Variants in STARD13 observed in about 807,000 individuals in gnomAD.
The protein encoded by STARD13 is StAR related lipid transfer domain containing 13.
STARD13 carries 62 observed loss-of-function variants against 106.4 expected under a neutral mutation model. That is an observed-to-expected ratio of 0.58 (90% CI 0.48 to 0.72). The LOEUF is 0.72. Among genes scored for constraint, STARD13 ranks in the 30% least tolerant of loss-of-function variants. The pLI, the probability that STARD13 is intolerant of heterozygous loss-of-function variation, is 0.00. For missense variants in STARD13, 1,387 were observed against 1,424.0 expected (o/e 0.97, Z 0.42); for synonymous variants, 565 against 553.0 (o/e 1.02, Z -0.31).
chr13:33,119,648 C>T (rs957960171), intron 7 of STARD13, among the ~76,000 whole-genome samples: 1 of 152,198 alleles, frequency 6.6e-6, no homozygotes, highest in Admixed American at 6.5e-5. Flanking sequence ...TTATACACTG[C>T]TACTTTTTGT....
chr13:33,130,019 GGTT>G lies in STARD13; in HGVS notation c.655_657del (p.Asn219del). On this transcript the variant is annotated inframe_deletion, in exon 5 of 14. Coordinates refer to ENST00000336934, the MANE Select transcript of STARD13 (RefSeq NM_178006.4). This position sits in a 1 kb window ranked among gnomAD's most constrained non-coding sequence, Gnocchi z 4.1. ...ACGAGTGGGGCATCCAGCATGACCG[GGTT>G]GTCTGTACAGCACTGGCCCGGCTGG... 6.2e-7 allele frequency: 1 copy of G among 1,613,268 alleles called. No individual in the cohort carries two copies. The highest frequency in any genetic ancestry group is 8.5e-7 in the Non-Finnish European group (1 of 1,179,764).
the STARD13 span, among the ~76,000 whole-genome samples, chr13:33,419,484 T>A: frequency 6.6e-6 from 1 of 152,118 alleles, no homozygotes; most frequent in East Asian, 1.9e-4. Context: ...AGACCAAATC[T>A]ACATTTGATT....
chr13:33,372,050 T>C, the STARD13 span, among the ~76,000 whole-genome samples: 1 of 152,214 alleles, frequency 6.6e-6, no homozygotes, highest in Admixed American at 6.5e-5. Context: ...TAACCCCTTT[T>C]AATGTAAGCA....
At chr13:33,327,513 G>T (rs1181964120) in intron 1 of STARD13, among the ~76,000 whole-genome samples, 1 of 152,146 alleles carries the variant, frequency 6.6e-6, no homozygotes, top group Non-Finnish European at 1.5e-5. Flanking sequence ...GGGACTACAG[G>T]CATGGGCCAC....
the STARD13 span, among the ~76,000 whole-genome samples, chr13:33,391,096 C>A: frequency 1.3e-5 from 2 of 151,998 alleles, no homozygotes; most frequent in African/African-American, 4.8e-5. Flanking sequence ...AACAAGAAAA[C>A]ATCATTAATT....
chr13:33,438,026 C>A, the STARD13 span, among the ~76,000 whole-genome samples: 1 of 152,220 alleles, frequency 6.6e-6, no homozygotes, highest in Non-Finnish European at 1.5e-5. Context: ...GCCTCCATGG[C>A]TGAACTTCCT....
At chr13:33,185,855 T>C in intron 1 of STARD13, 1 of 1,613,278 alleles carries the variant, frequency 6.2e-7, no homozygotes, top group Non-Finnish European at 8.5e-7. Context: ...TGTACCCACA[T>C]GCCCTTCTGA....
chr13:33,181,295 C>T (rs1885215341), intron 1 of STARD13, among the ~76,000 whole-genome samples: 1 of 151,494 alleles, frequency 6.6e-6, no homozygotes, highest in East Asian at 1.9e-4. Context: ...CACACACACA[C>T]ATATTCATGC....
the STARD13 span, among the ~76,000 whole-genome samples, chr13:33,554,604 G>T: frequency 1.3e-5 from 2 of 152,170 alleles, no homozygotes; most frequent in Admixed American, 1.3e-4. Flanking sequence ...ACAAAGTAAA[G>T]TTACCTAATA....
chr13:33,367,722 C>T, the STARD13 span, among the ~76,000 whole-genome samples: 274 of 151,134 alleles, frequency 1.8e-3, 1 homozygote, highest in African/African-American at 6.6e-3. Flanking sequence ...ATCTAGCATG[C>T]CTTTATCTTA....
At chr13:33,285,252 GT>G (rs561271430) in intron 1 of STARD13, among the ~76,000 whole-genome samples, 3 of 152,276 alleles carry the variant, frequency 2.0e-5, no homozygotes, top group South Asian at 2.1e-4. Context: ...CCACCGTGAA[GT>G]TTTTTGTGCA....
chr13:33,256,924 T>C (rs760208614), intron 1 of STARD13, among the ~76,000 whole-genome samples: 3 of 152,232 alleles, frequency 2.0e-5, no homozygotes, highest in Non-Finnish European at 4.4e-5. Flanking sequence ...TTAATCTTTA[T>C]GCCAGATCTC....
At chr13:33,198,374 A>G (rs797195) in intron 1 of STARD13, among the ~76,000 whole-genome samples, 63,167 of 151,636 alleles carry the variant, frequency 0.42, 13,857 homozygotes, top group African/African-American at 0.57. Flanking sequence ...CTCACCCAGC[A>G]TCAGAGCCTT....
At chr13:33,478,718 C>T in the STARD13 span, among the ~76,000 whole-genome samples, 6,148 of 152,042 alleles carry the variant, frequency 0.04, 391 homozygotes, top group African/African-American at 0.14. Context: ...GTGTTTGAGA[C>T]CAGCTTGGGC....
chr13:33,648,833 C>T, the STARD13 span, among the ~76,000 whole-genome samples: 22 of 139,724 alleles, frequency 1.6e-4, no homozygotes, highest in African/African-American at 5.8e-4. Context: ...CTCTTGTTGC[C>T]CAGGCTGGAG....
chr13:33,119,541 A>G (rs1875940035), intron 7 of STARD13, among the ~76,000 whole-genome samples: 1 of 152,194 alleles, frequency 6.6e-6, no homozygotes, highest in South Asian at 2.1e-4. Context: ...AGCAGTCCTC[A>G]TTCTTTTAAA....
the STARD13 span, among the ~76,000 whole-genome samples, chr13:33,385,467 T>TAAAA: frequency 2.6e-5 from 2 of 76,472 alleles, no homozygotes; most frequent in African/African-American, 9.3e-5. Flanking sequence ...CCCAGAATGG[T>TAAAA]AAAAAAAAAA....
the STARD13 span, among the ~76,000 whole-genome samples, chr13:33,498,586 C>T: frequency 2.2e-3 from 332 of 151,928 alleles, 1 homozygote; most frequent in Non-Finnish European, 3.6e-3. Context: ...TTAAATGGGT[C>T]CAAATTATAC....
chr13:33,591,093 C>T, the STARD13 span, among the ~76,000 whole-genome samples: 1 of 152,250 alleles, frequency 6.6e-6, no homozygotes, highest in Non-Finnish European at 1.5e-5. Flanking sequence ...TTGCCAGTAG[C>T]ATTCTCCTAC....
Sources: gnomAD v4.1 joint callset for allele counts (sites outside exome capture counted in the v4.1 genomes callset) on GRCh38, gnomAD v4.1.1 for gene constraint, Gnocchi (gnomAD v3.1) non-coding constraint, MANE v1.5 for transcripts, NCBI Gene and HGNC (gene_info 2026-07-23, HGNC 2026-07-21) for gene names.